Variants in TRIM49B observed in about 807,000 individuals in gnomAD.
The protein encoded by TRIM49B is tripartite motif containing 49B.
In TRIM49B, 18 loss-of-function variants were observed where a neutral mutation model predicts 31.8. The observed-to-expected ratio is 0.57, with a 90% CI of 0.39 to 0.84. The LOEUF (loss-of-function observed/expected upper bound fraction) is 0.84. Ranked by LOEUF, TRIM49B falls within the 40% of genes least tolerant of loss-of-function variation. The probability of loss-of-function intolerance (pLI) is 0.00; values close to 1 mark genes in which losing one functional copy is unlikely to be tolerated. For missense variants in TRIM49B, 494 were observed against 538.7 expected (o/e 0.92, Z 0.82); for synonymous variants, 196 against 180.6 (o/e 1.09, Z -0.68).
rs1854487076 is a variant in TRIM49B at position 49,033,997 on chromosome 11, A to G, written c.508-149A>G. The G allele has an allele frequency of 6.0e-6, 8 of 1,343,724 alleles. No homozygotes were observed. The East Asian group carries it at 1.9e-4, about 32-fold the overall frequency. 83.2% of individuals were successfully genotyped at this position (1,343,724 alleles called of 1,614,324 possible). ...CAGCTATGTTGATCTTTACGCAGAAAAAAGGAAAGGAACAAAATTTGTAGA... is the reference window on the plus strand; with the variant it reads ...CAGCTATGTTGATCTTTACGCAGAAGAAAGGAAAGGAACAAAATTTGTAGA... On this transcript the variant is annotated intron_variant, in intron 3 of 6. Transcript: ENST00000332682.
rs1367290962 is a variant in TRIM49B, at chr11:49,035,115, C to G, written c.759C>G (p.His253Gln). 1.0e-5 allele frequency: 16 copies of G among 1,587,134 alleles called. No homozygotes were observed. The highest frequency in any genetic ancestry group is 1.3e-5 in the Non-Finnish European group (15 of 1,166,892). The stretch of plus-strand genomic sequence containing the variant: ...TTCAGGCTTTTGGAGACATATTACA[C>G]AGGTGAGTGTGTACCTAGATTTTAG... ...ELLQAFGDIL[H>Q]RSESVLLHMP... The change falls in exon 5 of 7, where the codon CAC becomes CAG. Residue 253 changes from histidine (H) to glutamine (Q), a missense_variant and splice_region_variant. Around this residue, in one of 3 missense-constraint regions of TRIM49B, gnomAD observed 233 missense variants for 281.4 expected, o/e 0.83. Coordinates refer to ENST00000332682, the MANE Select transcript of TRIM49B (RefSeq NM_001206626.2).
chr11:49,029,768 C>T (rs1012763572), intron 1 of TRIM49B, among the ~76,000 whole-genome samples: 1 of 152,206 alleles, frequency 6.6e-6, no homozygotes, highest in Non-Finnish European at 1.5e-5. Flanking sequence ...TGTGCTGATA[C>T]ATTTATCGGC....
intron 1 of TRIM49B, among the ~76,000 whole-genome samples, chr11:49,029,441 A>G (rs1226853598): frequency 1.3e-5 from 2 of 152,252 alleles, no homozygotes; most frequent in Non-Finnish European, 2.9e-5. Flanking sequence ...AAAATATCCT[A>G]CTTTAGAAAT....
chr11:49,032,658 G>C (rs2696922), intron 3 of TRIM49B, among the ~76,000 whole-genome samples: 3 of 151,546 alleles, frequency 2.0e-5, no homozygotes, highest in African/African-American at 7.3e-5. Flanking sequence ...CTGGGCCATC[G>C]CACAGCATTC....
At chr11:49,035,205 T>C (rs1470110485) in intron 5 of TRIM49B, 88 bp downstream of exon 5, 18 of 1,583,978 alleles carry the variant, frequency 1.1e-5, no homozygotes, top group Non-Finnish European at 1.5e-5. Flanking sequence ...CATAAAGTCA[T>C]GGCATAAATA....
chr11:49,032,498 C>T (rs1389651973), intron 3 of TRIM49B, 127 bp downstream of exon 3: 12 of 1,517,406 alleles, frequency 7.9e-6, no homozygotes, highest in South Asian at 7.7e-5. Context: ...AAAAAAAAAG[C>T]GAGAGAAAAC....
At position 49,037,733 on chromosome 11, in the gene TRIM49B, A is replaced by G. The variant is rs758717978; in HGVS notation, c.1115A>G (p.Asp372Gly). Residue 372 changes from aspartate to glycine, a missense_variant, in exon 7 of 7, where the codon GAT (aspartate) becomes GGT (glycine). Around this residue, in one of 3 missense-constraint regions of TRIM49B, gnomAD observed 233 missense variants for 281.4 expected, o/e 0.83. Transcript: ENST00000332682. ...WKEKNQNEKI[D>G]GEDGLFLLGC... ...GAGAAGAATCAGAATGAGAAGATAG[A>G]TGGAGAGGATGGACTCTTTCTTCTT... 6.2e-7 allele frequency: 1 copy of G among 1,613,828 alleles called. No homozygotes were observed.
intron 1 of TRIM49B, among the ~76,000 whole-genome samples, chr11:49,031,022 T>C (rs1854438076): frequency 1.3e-5 from 2 of 151,966 alleles, no homozygotes; most frequent in South Asian, 4.1e-4. Context: ...TTGTTTTGAT[T>C]TGGGTCTTTG....
At chr11:49,029,968 T>C (rs1418650472) in intron 1 of TRIM49B, among the ~76,000 whole-genome samples, 4 of 152,210 alleles carry the variant, frequency 2.6e-5, no homozygotes, top group Admixed American at 6.5e-5. Flanking sequence ...CAATAGGCTA[T>C]AGTGTATACC....
chr11:49,035,526 A>AT (rs1402858801), intron 5 of TRIM49B, among the ~76,000 whole-genome samples: 3 of 151,230 alleles, frequency 2.0e-5, no homozygotes, highest in Non-Finnish European at 4.4e-5. Flanking sequence ...CACCCGGCTA[A>AT]TTTTTTGTAT....
chr11:49,029,066 C>T (rs532874347), intron 1 of TRIM49B, 91 bp downstream of exon 1: 36 of 152,314 alleles, frequency 2.4e-4, no homozygotes, highest in African/African-American at 7.0e-4. Context: ...CTTAAATCTA[C>T]ACAATGATAC....
rs1854446171 is a variant in TRIM49B at position 49,031,594 on chromosome 11, A to G, written c.-4-2A>G. On this transcript the variant is annotated splice_acceptor_variant, in intron 1 of 6. Transcript: ENST00000332682. LOFTEE classifies it low-confidence loss of function (5UTR_SPLICE). ...AATGACATGTTTCTCTTTGTTCCTCAGAAACATGAATTCTGGAATCTTACA... is the reference window on the plus strand; with the variant it reads ...AATGACATGTTTCTCTTTGTTCCTCGGAAACATGAATTCTGGAATCTTACA... 1 of 1,613,216 alleles carries G rather than the reference A, an allele frequency of 6.2e-7. No individual in the cohort carries two copies. The highest frequency in any genetic ancestry group is 8.5e-7 in the Non-Finnish European group (1 of 1,179,752).
intron 1 of TRIM49B, among the ~76,000 whole-genome samples, chr11:49,030,429 AGAATTCATCAG>A: frequency 6.6e-6 from 1 of 152,330 alleles, no homozygotes; most frequent in East Asian, 1.9e-4. Flanking sequence ...TACATGGGAC[AGAATTCATCAG>A]GAAAATTAAT....
At position 49,038,071 on chromosome 11, in the gene TRIM49B, G is replaced by T. The variant is rs1854558869; in HGVS notation, c.*94G>T. ...GTGCCTTAACATACAGGACAAATAG[G>T]CTCTATTTTATATCTTGAATTGCCT... On this transcript the variant is annotated 3_prime_UTR_variant, in exon 7 of 7. Coordinates refer to ENST00000332682, the MANE Select transcript of TRIM49B (RefSeq NM_001206626.2). The T allele has an allele frequency of 1.3e-6, 2 of 1,556,474 alleles. No homozygotes were observed. Among genetic ancestry groups the T allele is most frequent in the African/African-American group, 1.4e-5 (1 of 72,164 alleles).
rs778922260 is a variant in TRIM49B at position 49,031,673 on chromosome 11, CG to C, written c.76del (p.Val26SerfsTer3). ...ATCTGCATGAACTACTTCATAGACC[CG>C]GTCACCATAGACTGTGGGCACAGCT... ...CPICMNYFID[P>X]VTIDCGHSFC... is the part of the protein sequence containing the mutation. On this transcript the variant is annotated frameshift_variant, in exon 2 of 7. Transcript: ENST00000332682. LOFTEE classifies it high-confidence loss of function. The C allele has an allele frequency of 1.2e-6, 2 of 1,613,930 alleles. No individual in the cohort carries two copies. The highest frequency in any genetic ancestry group is 2.2e-5 in the South Asian group (2 of 91,068).
chr11:49,030,502 G>A (rs1310002490), intron 1 of TRIM49B, among the ~76,000 whole-genome samples: 1 of 152,130 alleles, frequency 6.6e-6, no homozygotes, highest in Non-Finnish European at 1.5e-5. Context: ...CTCTAAGCTG[G>A]TGTCCTGAGA....
chr11:49,029,757 G>A (rs545944668), intron 1 of TRIM49B, among the ~76,000 whole-genome samples: 53 of 152,334 alleles, frequency 3.5e-4, no homozygotes, highest in South Asian at 1.7e-3. Context: ...ATACGTATAT[G>A]TGTGCTGATA....
At position 49,037,703 on chromosome 11, in the gene TRIM49B, G is replaced by A. The variant is rs773144033; in HGVS notation, c.1085G>A (p.Trp362Ter). 3 of 1,613,894 alleles carry A rather than the reference G, an allele frequency of 1.9e-6. No individual in the cohort carries two copies. Among genetic ancestry groups the A allele is most frequent in the Non-Finnish European group, 2.5e-6 (3 of 1,179,858 alleles). Residue 362 changes from tryptophan (W) to a stop codon, truncating the protein, a stop_gained, in exon 7 of 7, where the codon TGG becomes TAG. Transcript: ENST00000332682. LOFTEE classifies it low-confidence loss of function (END_TRUNC). Reference protein sequence around the residue: ...NWAFGVCNMYWKEKNQNEKID... With the variant: ...NWAFGVCNMY ...GCTTTTGGTGTCTGTAATATGTATTGGAAAGAGAAGAATCAGAATGAGAAG... is the reference window on the plus strand; with the variant it reads ...GCTTTTGGTGTCTGTAATATGTATTAGAAAGAGAAGAATCAGAATGAGAAG...
In TRIM49B at chr11:49,035,116, A is replaced by G. The variant is rs1485892370; in HGVS notation, c.760A>G (p.Arg254Gly). Residue 254 changes from arginine to glycine, a missense_variant and splice_region_variant, in exon 5 of 7, where the codon AGG (arginine) becomes GGG (glycine). By Grantham distance (125) the Arg-to-Gly change is moderately radical. Coordinates refer to ENST00000332682, the MANE Select transcript of TRIM49B (RefSeq NM_001206626.2). The part of the protein sequence containing the change: ...LLQAFGDILH[R>G]SESVLLHMPQ... Reference sequence around the variant, plus strand: ...TCAGGCTTTTGGAGACATATTACACAGGTGAGTGTGTACCTAGATTTTAGC... The same window carrying G: ...TCAGGCTTTTGGAGACATATTACACGGGTGAGTGTGTACCTAGATTTTAGC... 1 of 1,604,980 alleles carries G rather than the reference A, an allele frequency of 6.2e-7. No individual in the cohort carries two copies. The highest frequency in any genetic ancestry group is 1.4e-5 in the African/African-American group (1 of 73,164).
Sources: gnomAD v4.1 joint callset for allele counts (sites outside exome capture counted in the v4.1 genomes callset) on GRCh38, gnomAD v4.1.1 for gene constraint, gnomAD v4.1.1 regional missense constraint, MANE v1.5 for transcripts, NCBI Gene and HGNC (gene_info 2026-07-23, HGNC 2026-07-21) for gene names.